Variants in CPPED1 observed in about 807,000 individuals in gnomAD.
The protein encoded by CPPED1 is calcineurin like phosphoesterase domain containing 1.
CPPED1 carries 28 observed loss-of-function variants against 28.0 expected under a neutral mutation model. The ratio of observed to expected loss-of-function variants is 1.00; its 90% confidence interval spans 0.74 to 1.37. The LOEUF (loss-of-function observed/expected upper bound fraction) is 1.37, where lower values mean the gene tolerates loss of function less well. Among genes scored for constraint, CPPED1 ranks in the 40% most tolerant of loss-of-function variants. CPPED1 has a pLI of 0.00. For missense variants in CPPED1, 504 were observed against 416.5 expected (o/e 1.21, Z -1.83); for synonymous variants, 198 against 180.2 (o/e 1.10, Z -0.79).
At chr16:12,783,282 G>A (rs1288286378) in intron 1 of CPPED1, among the ~76,000 whole-genome samples, 1 of 152,198 alleles carries the variant, frequency 6.6e-6, no homozygotes, top group Non-Finnish European at 1.5e-5. Flanking sequence ...CAGATTACTT[G>A]AGGTCATGAA....
intron 3 of CPPED1, among the ~76,000 whole-genome samples, chr16:12,696,275 G>C (rs2079989671): frequency 6.6e-6 from 1 of 152,104 alleles, no homozygotes; most frequent in South Asian, 2.1e-4. Context: ...ACGCCCGCAA[G>C]AAGGACGCCA....
chr16:12,761,731 G>A (rs1307413998), intron 2 of CPPED1, among the ~76,000 whole-genome samples: 1 of 152,180 alleles, frequency 6.6e-6, no homozygotes, highest in Admixed American at 6.5e-5. Flanking sequence ...AAAAATGTGA[G>A]CCAGGGACAG....
At chr16:12,749,684 G>A (rs915409564) in intron 2 of CPPED1, among the ~76,000 whole-genome samples, 19 of 152,240 alleles carry the variant, frequency 1.2e-4, no homozygotes, top group African/African-American at 4.6e-4. Flanking sequence ...CCGCCTCCCA[G>A]GTTCAAGTGA....
chr16:12,734,173 G>A (rs1203168437), intron 2 of CPPED1, among the ~76,000 whole-genome samples: 2 of 139,168 alleles, frequency 1.4e-5, no homozygotes, highest in Non-Finnish European at 3.0e-5. Flanking sequence ...GGGTTCAAGC[G>A]ATTCTCCTGC....
chr16:12,755,115 T>C (rs1160708990), intron 2 of CPPED1, among the ~76,000 whole-genome samples: 1 of 152,142 alleles, frequency 6.6e-6, no homozygotes, highest in East Asian at 1.9e-4. Flanking sequence ...AGGTGAACAG[T>C]TTCCTCCTGG....
chr16:12,719,822 G>T (rs979156275), intron 2 of CPPED1, among the ~76,000 whole-genome samples: 5 of 152,106 alleles, frequency 3.3e-5, no homozygotes, highest in Admixed American at 3.3e-4. Flanking sequence ...GTAAGTCCCA[G>T]CTACTCTGGA....
At chr16:12,732,267 T>C (rs1326241748) in intron 2 of CPPED1, among the ~76,000 whole-genome samples, 4 of 137,946 alleles carry the variant, frequency 2.9e-5, no homozygotes, top group African/African-American at 1.1e-4. Flanking sequence ...ATTAAAACTA[T>C]GGTAGCAAAA....
intron 3 of CPPED1, among the ~76,000 whole-genome samples, chr16:12,669,802 G>C (rs143785004): frequency 6.6e-6 from 1 of 152,260 alleles, no homozygotes; most frequent in Middle Eastern, 3.4e-3. Context: ...GGCTACCATA[G>C]CATTGAGCAA....
intron 2 of CPPED1, among the ~76,000 whole-genome samples, chr16:12,756,234 T>C (rs1344495300): frequency 6.6e-6 from 1 of 152,124 alleles, no homozygotes; most frequent in African/African-American, 2.4e-5. Flanking sequence ...ACGCTGTCCA[T>C]ACTGAGAAGC....
chr16:12,717,951 A>G (rs1217248046), intron 2 of CPPED1, among the ~76,000 whole-genome samples: 1 of 151,864 alleles, frequency 6.6e-6, no homozygotes, highest in Non-Finnish European at 1.5e-5. Context: ...TTGTTCCTAT[A>G]TTTTTCTTAT....
chr16:12,720,074 T>C (rs1272761838), intron 2 of CPPED1, among the ~76,000 whole-genome samples: 1 of 152,290 alleles, frequency 6.6e-6, no homozygotes. Flanking sequence ...TGAACAAAAC[T>C]GGATGACTTC....
intron 2 of CPPED1, among the ~76,000 whole-genome samples, chr16:12,772,776 G>C (rs2080477241): frequency 6.6e-6 from 1 of 152,142 alleles, no homozygotes; most frequent in South Asian, 2.1e-4. Context: ...CAACTTTGCA[G>C]ATCCATAAGC....
chr16:12,691,854 C>G (rs1361958931), intron 3 of CPPED1, among the ~76,000 whole-genome samples: 1 of 147,738 alleles, frequency 6.8e-6, no homozygotes, highest in African/African-American at 2.6e-5. Flanking sequence ...AGGAGACATG[C>G]CTAATGTTAA....
At chr16:12,725,000 A>T (rs569962316) in intron 2 of CPPED1, among the ~76,000 whole-genome samples, 2 of 151,294 alleles carry the variant, frequency 1.3e-5, no homozygotes, top group South Asian at 4.2e-4. Context: ...GTTAGCCAGG[A>T]TAGTCTCGAT....
chr16:12,750,834 G>C (rs2141218162), intron 2 of CPPED1, among the ~76,000 whole-genome samples: 1 of 152,158 alleles, frequency 6.6e-6, no homozygotes, highest in East Asian at 1.9e-4. Context: ...AGCCAGGCGT[G>C]GTGCCTCATG....
intron 2 of CPPED1, among the ~76,000 whole-genome samples, chr16:12,707,453 C>T (rs139935612): frequency 4.3e-4 from 65 of 152,258 alleles, no homozygotes; most frequent in African/African-American, 1.5e-3. Flanking sequence ...TGGTCACAAA[C>T]TAAGGTCGTT....
intron 3 of CPPED1, among the ~76,000 whole-genome samples, chr16:12,694,859 C>A (rs1294628980): frequency 1.3e-5 from 2 of 151,866 alleles, no homozygotes; most frequent in Middle Eastern, 6.8e-3. Context: ...TTCACTGCAA[C>A]CTCCGCCTCC....
intron 2 of CPPED1, among the ~76,000 whole-genome samples, chr16:12,728,199 G>T (rs1826118094): frequency 6.6e-6 from 1 of 152,066 alleles, no homozygotes; most frequent in African/African-American, 2.4e-5. Flanking sequence ...TATACCCACA[G>T]GTGTAATAGC....
chr16:12,715,235 A>C (rs1182409622), intron 2 of CPPED1, among the ~76,000 whole-genome samples: 1 of 152,146 alleles, frequency 6.6e-6, no homozygotes, highest in Non-Finnish European at 1.5e-5. Context: ...GAGTCTTCCA[A>C]CTTTATTCTT....
Sources: allele counts gnomAD v4.1 joint callset (sites outside exome capture counted in the v4.1 genomes callset), GRCh38; gene constraint gnomAD v4.1.1; transcripts MANE v1.5; gene names NCBI Gene and HGNC (gene_info 2026-07-23, HGNC 2026-07-21).